The following GKAP1 variants were observed in gnomAD, a reference collection of about 807,000 sequenced individuals.
GKAP1 encodes the protein G kinase anchoring protein 1, also known as G kinase-anchoring protein 1.
Under a neutral mutation model 56.7 loss-of-function variants are expected in GKAP1, and 31 were observed. The observed-to-expected ratio is 0.55, with a 90% CI of 0.41 to 0.74. The LOEUF is 0.74. Ranked by LOEUF, GKAP1 falls within the 30% of genes least tolerant of loss-of-function variation. GKAP1 has a pLI of 0.00. For synonymous variants in GKAP1, 151 were observed against 138.6 expected (o/e 1.09, Z -0.63); for missense variants, 364 against 402.3 (o/e 0.90, Z 0.82).
chr9:83,814,706 C>G (rs963053348), intron 2 of GKAP1, among the ~76,000 whole-genome samples: 1 of 152,188 alleles, frequency 6.6e-6, no homozygotes, highest in African/African-American at 2.4e-5. Context: ...ATGTGCTCTA[C>G]AAGTAGAAAA....
chr9:83,784,443 G>T (rs1056520315), intron 6 of GKAP1, among the ~76,000 whole-genome samples: 8 of 152,212 alleles, frequency 5.3e-5, no homozygotes, highest in African/African-American at 1.9e-4. Context: ...CGTCAAGAAG[G>T]CCCTCACCAG....
chr9:83,780,059 T>C (rs1048039503), intron 7 of GKAP1, among the ~76,000 whole-genome samples: 10 of 152,080 alleles, frequency 6.6e-5, no homozygotes, highest in African/African-American at 2.4e-4. Flanking sequence ...GATTAAAATA[T>C]AGAGTGAGAG....
chr9:83,804,911 G>A (rs1388924916), intron 3 of GKAP1, among the ~76,000 whole-genome samples: 14 of 150,024 alleles, frequency 9.3e-5, no homozygotes, highest in African/African-American at 2.7e-4. Flanking sequence ...CTGCCCGGCC[G>A]CCCCTACTGG....
chr9:83,789,338 C>A (rs1944116455), intron 4 of GKAP1, among the ~76,000 whole-genome samples: 1 of 152,190 alleles, frequency 6.6e-6, no homozygotes, highest in Admixed American at 6.5e-5. Context: ...TTAATCTCTA[C>A]AAGACTTACT....
chr9:83,764,881 A>C (rs902765088), intron 8 of GKAP1, among the ~76,000 whole-genome samples: 1 of 152,210 alleles, frequency 6.6e-6, no homozygotes, highest in African/African-American at 2.4e-5. Context: ...ACAGAGCATA[A>C]AAGTTCAGAA....
intron 2 of GKAP1, among the ~76,000 whole-genome samples, chr9:83,812,318 T>A (rs556021443): frequency 6.8e-6 from 1 of 146,862 alleles, no homozygotes; most frequent in African/African-American, 2.5e-5. Context: ...CATATATATG[T>A]ATATATACAC....
At chr9:83,813,582 G>A (rs527428118) in intron 2 of GKAP1, among the ~76,000 whole-genome samples, 1 of 152,230 alleles carries the variant, frequency 6.6e-6, no homozygotes, top group East Asian at 1.9e-4. Flanking sequence ...TAGCAAAACC[G>A]TATCTCATAA....
At chr9:83,797,780 T>C (rs1329033487) in intron 4 of GKAP1, among the ~76,000 whole-genome samples, 2 of 152,250 alleles carry the variant, frequency 1.3e-5, no homozygotes, top group Non-Finnish European at 2.9e-5. Context: ...ATGGAATTTA[T>C]TTTGGTGCAA....
rs1944029732 is a variant in GKAP1 at position 83,784,422 on chromosome 9, A to T, written c.562+293T>A. ...GCCCCCTTTTGCTCTCACTCTTGCC[A>T]TGTGATGACTCGTCAAGAAGGCCCT... On this transcript the variant is annotated intron_variant, in intron 6 of 12. Transcript: ENST00000376371. Among the ~76,000 whole-genome samples the T allele has an allele frequency of 2.0e-5, 3 of 152,312 alleles. No homozygotes were observed. In the South Asian group the frequency reaches 6.2e-4, roughly 32 times the overall value.
chr9:83,741,894 G>C (rs1943214986), intron 12 of GKAP1, 58 bp downstream of exon 12: 1 of 1,021,902 alleles, frequency 9.8e-7, no homozygotes. Flanking sequence ...TTCTCACACA[G>C]TATCTACTCC....
intron 4 of GKAP1, among the ~76,000 whole-genome samples, chr9:83,790,675 T>C (rs1170881071): frequency 4.0e-5 from 6 of 151,626 alleles, no homozygotes; most frequent in Non-Finnish European, 7.4e-5. Flanking sequence ...CAGCCTGGCA[T>C]GGTGGTGCAT....
chr9:83,805,027 G>T (rs191131197), intron 3 of GKAP1, among the ~76,000 whole-genome samples: 17 of 152,226 alleles, frequency 1.1e-4, no homozygotes, highest in Non-Finnish European at 1.9e-4. Context: ...GGAATAGAAG[G>T]GGGGGAAAGG....
chr9:83,745,963 G>T (rs970509525), intron 10 of GKAP1, among the ~76,000 whole-genome samples: 1 of 151,884 alleles, frequency 6.6e-6, no homozygotes, highest in Admixed American at 6.6e-5. Flanking sequence ...GCTAATTTTT[G>T]TATTTTTAGT....
chr9:83,753,799 A>C (rs1400247770), intron 8 of GKAP1, among the ~76,000 whole-genome samples: 3 of 152,224 alleles, frequency 2.0e-5, no homozygotes, highest in African/African-American at 7.2e-5. Context: ...TCCTCACAAC[A>C]GCAAGAAAAG....
intron 2 of GKAP1, 50 bp from the exon 3 acceptor site, chr9:83,806,610 T>G: frequency 9.7e-7 from 1 of 1,032,830 alleles, no homozygotes; most frequent in Non-Finnish European, 1.4e-6. Flanking sequence ...CAGAGTAAAA[T>G]CTGTTGTAGA....
intron 4 of GKAP1, among the ~76,000 whole-genome samples, chr9:83,792,399 A>G (rs1481324313): frequency 6.6e-6 from 1 of 152,202 alleles, no homozygotes; most frequent in Non-Finnish European, 1.5e-5. Flanking sequence ...TAAGATATAA[A>G]CTGGAATATT....
At chr9:83,815,597 C>CACAA (rs1352168625) in intron 2 of GKAP1, among the ~76,000 whole-genome samples, 4 of 151,948 alleles carry the variant, frequency 2.6e-5, no homozygotes, top group Non-Finnish European at 5.9e-5. Flanking sequence ...CACACACACA[C>CACAA]AATTATACAT....
At chr9:83,765,262 C>T (rs1007327235) in intron 8 of GKAP1, among the ~76,000 whole-genome samples, 1 of 152,188 alleles carries the variant, frequency 6.6e-6, no homozygotes, top group Non-Finnish European at 1.5e-5. Flanking sequence ...TGTGGGTGCA[C>T]AGAAGAGAAG....
intron 9 of GKAP1, chr9:83,749,205 T>A (rs762813898): frequency 5.3e-5 from 8 of 151,778 alleles, no homozygotes; most frequent in Non-Finnish European, 8.8e-5. Flanking sequence ...TATAACACTC[T>A]CTGTATCACT....
Sources: allele counts gnomAD v4.1 joint callset (sites outside exome capture counted in the v4.1 genomes callset), GRCh38; gene constraint gnomAD v4.1.1; transcripts MANE v1.5; gene names NCBI Gene and HGNC (gene_info 2026-07-23, HGNC 2026-07-21).